YWHAZ: variants seen among roughly 807,000 people sequenced by gnomAD.
The protein encoded by YWHAZ is tyrosine 3-monooxygenase/tryptophan 5-monooxygenase activation protein zeta.
For synonymous variants in YWHAZ, 87 were observed against 103.6 expected (o/e 0.84, Z 0.97); for missense variants, 79 against 284.8 (o/e 0.28, Z 5.20).
Position 100,919,704 on chromosome 8 carries a change from T to C in YWHAZ, c.*989A>G, listed in dbSNP as rs1170747242. Reference sequence around the variant, plus strand: ...GTAGAGAAAGTAGTTGAAAAGTCCATTCATAAAACTTTTATTCCACTTACA... The same window carrying C: ...GTAGAGAAAGTAGTTGAAAAGTCCACTCATAAAACTTTTATTCCACTTACA... On this transcript the variant is annotated 3_prime_UTR_variant, in exon 6 of 6. Transcript: ENST00000395958. The C allele has an allele frequency of 6.6e-6, 1 of 152,434 alleles. No individual in the cohort carries two copies. The highest frequency in any genetic ancestry group is 1.5e-5 in the Non-Finnish European group (1 of 68,030). The allele number at this position is 152,434 out of a possible 1,614,324, so 9.4% of individuals were successfully genotyped here.
rs894728103 is a variant in YWHAZ at position 100,950,268 on chromosome 8, T to C, written c.-11-1368A>G. Reference sequence around the variant, plus strand: ...TTTCTGCTTCTAACAAAAAATGATTTAAGCCAGTACAAAGGATTCTCTCCC... The same window carrying C: ...TTTCTGCTTCTAACAAAAAATGATTCAAGCCAGTACAAAGGATTCTCTCCC... On this transcript the variant is annotated intron_variant, in intron 1 of 5. Coordinates refer to ENST00000395958, the MANE Select transcript of YWHAZ (RefSeq NM_145690.3). 7.3e-6 allele frequency: 5 copies of C among 685,146 alleles called. No individual in the cohort carries two copies. In the African/African-American group the frequency reaches 9.8e-5, roughly 13 times the overall value. The allele number at this position is 685,146 out of a possible 1,614,324, so 42.4% of individuals were successfully genotyped here. A position where few individuals can be genotyped will look rare whatever the true frequency, so the allele number is the denominator to read the frequency against.
Position 100,922,384 on chromosome 8 carries a change from CT to C in YWHAZ, c.678+1570del, listed in dbSNP as rs895294881. 4 of 87,872 alleles carry C rather than the reference CT, an allele frequency of 4.6e-5. No homozygotes were observed. The highest frequency in any genetic ancestry group is 1.8e-4 in the Admixed American group (1 of 5,660). The allele number at this position is 87,872 out of a possible 1,614,324, so 5.4% of individuals were successfully genotyped here. On this transcript the variant is annotated intron_variant, in intron 5 of 5. Transcript: ENST00000395958. The surrounding 1 kb of genome is among the most constrained non-coding windows in gnomAD (Gnocchi z 4.1). ...ATTAGAATCAAAACCCTGGTTTTTT[CT>C]TTTCTTTTTTTTTTTTTTTGAGACA...
At chr8:100,951,330 G>GCCGCGCC in intron 1 of YWHAZ, 1 of 984,416 alleles carries the variant, frequency 1.0e-6, no homozygotes, top group African/African-American at 1.8e-5. Flanking sequence ...GCCCCTCCCC[G>GCCGCGCC]CCGCGCCACC....
intron 2 of YWHAZ, among the ~76,000 whole-genome samples, chr8:100,943,324 T>C (rs2130311460): frequency 6.6e-6 from 1 of 152,328 alleles, no homozygotes; most frequent in East Asian, 1.9e-4. Flanking sequence ...CTACAAAAAA[T>C]TCTAAGAAAC....
intron 2 of YWHAZ, among the ~76,000 whole-genome samples, chr8:100,927,786 G>C (rs1813466449): frequency 6.6e-6 from 1 of 152,160 alleles, no homozygotes; most frequent in Non-Finnish European, 1.5e-5. Context: ...AGTTCCCTGG[G>C]AATTAAAATG....
intron 2 of YWHAZ, among the ~76,000 whole-genome samples, chr8:100,943,669 A>G (rs1322771582): frequency 1.3e-5 from 2 of 152,112 alleles, no homozygotes; most frequent in South Asian, 4.1e-4. Context: ...CTTTACATTA[A>G]AAAAAACTGA....
In YWHAZ at chr8:100,924,415, ATT is replaced by A. The variant is rs2130117636; in HGVS notation, c.419-119_419-118del. On this transcript the variant is annotated intron_variant, in intron 3 of 5. Transcript: ENST00000395958. This position sits in a 1 kb window ranked among gnomAD's most constrained non-coding sequence, Gnocchi z 5.7. ...AAATACTAACCTGTAACAGCTTAAT[ATT>A]TGTTAATTGAACAAGGTCCTTTTTT... is the stretch of plus-strand genomic sequence containing the variant. The A allele has an allele frequency of 9.5e-7, 1 of 1,051,756 alleles. No individual in the cohort carries two copies. The highest frequency in any genetic ancestry group is 1.6e-5 in the African/African-American group (1 of 62,168). 65.2% of individuals were successfully genotyped at this position (1,051,756 alleles called of 1,614,324 possible). A position where few individuals can be genotyped will look rare whatever the true frequency, so the allele number is the denominator to read the frequency against.
intron 2 of YWHAZ, among the ~76,000 whole-genome samples, chr8:100,933,697 T>A (rs1442378612): frequency 6.6e-6 from 1 of 152,118 alleles, no homozygotes; most frequent in African/African-American, 2.4e-5. Context: ...AAGGGAAATA[T>A]CCTAATTTCT....
rs768748687 is a variant in YWHAZ at position 100,924,900 on chromosome 8, T to C, written c.418+16A>G. On this transcript the variant is annotated intron_variant, in intron 3 of 5. Transcript: ENST00000395958. This position sits in a 1 kb window ranked among gnomAD's most constrained non-coding sequence, Gnocchi z 5.7. Reference sequence around the variant, plus strand: ...ATCTTATACAAGTTCAACCAACAGGTTTAAAAACAGCATACCTTTCTTGTC... The same window carrying C: ...ATCTTATACAAGTTCAACCAACAGGCTTAAAAACAGCATACCTTTCTTGTC... 2 of 1,611,388 alleles carry C rather than the reference T, an allele frequency of 1.2e-6. No individual in the cohort carries two copies. The highest frequency in any genetic ancestry group is 1.7e-5 in the Admixed American group (1 of 59,838).
At chr8:100,935,256 C>T (rs1814063539) in intron 2 of YWHAZ, among the ~76,000 whole-genome samples, 1 of 152,174 alleles carries the variant, frequency 6.6e-6, no homozygotes, top group Non-Finnish European at 1.5e-5. Context: ...TTTAAGCACT[C>T]AAAAATATTA....
upstream of YWHAZ, chr8:100,953,374 C>T (rs1810932734): frequency 3.0e-6 from 3 of 985,190 alleles, no homozygotes; most frequent in Non-Finnish European, 3.6e-6. Flanking sequence ...GACGGGAGCC[C>T]GGAAGAAGGG....
intron 2 of YWHAZ, among the ~76,000 whole-genome samples, chr8:100,939,051 C>G (rs1424000884): frequency 6.6e-6 from 1 of 152,206 alleles, no homozygotes; most frequent in Admixed American, 6.5e-5. Context: ...TTTTAATCAA[C>G]AAGAAATCTG....
intron 1 of YWHAZ, chr8:100,951,258 C>A: frequency 2.0e-6 from 2 of 984,882 alleles, no homozygotes; most frequent in Non-Finnish European, 1.2e-6. Context: ...CCGCGCCAGG[C>A]CTGGGCTCCG....
At chr8:100,951,137 C>T (rs1390043965) in intron 1 of YWHAZ, 2 of 984,100 alleles carry the variant, frequency 2.0e-6, no homozygotes, top group Non-Finnish European at 2.4e-6. Flanking sequence ...CCGCGGAGCC[C>T]AGGAAATTCA....
At chr8:100,928,004 G>A (rs973326214) in intron 2 of YWHAZ, among the ~76,000 whole-genome samples, 6 of 152,252 alleles carry the variant, frequency 3.9e-5, no homozygotes, top group Non-Finnish European at 8.8e-5. Context: ...AGGTGGCTGG[G>A]CATGGTGGCT....
At chr8:100,941,562 A>T (rs1467728780) in intron 2 of YWHAZ, among the ~76,000 whole-genome samples, 1 of 152,172 alleles carries the variant, frequency 6.6e-6, no homozygotes, top group Non-Finnish European at 1.5e-5. Flanking sequence ...GGGTGGGTGG[A>T]TCACCTGAGG....
intron 1 of YWHAZ, chr8:100,951,525 G>A: frequency 1.0e-6 from 1 of 985,626 alleles, no homozygotes; most frequent in Non-Finnish European, 1.2e-6. Context: ...GAAGGGCGGC[G>A]AGGGAGGGGG....
intron 1 of YWHAZ, chr8:100,951,035 C>A: frequency 2.1e-6 from 1 of 465,234 alleles, no homozygotes; most frequent in Non-Finnish European, 2.8e-6. Context: ...ACTTGCAGCC[C>A]CCGTCCACAC....
intron 2 of YWHAZ, among the ~76,000 whole-genome samples, chr8:100,947,625 C>T (rs1435282454): frequency 6.6e-6 from 1 of 152,088 alleles, no homozygotes; most frequent in Non-Finnish European, 1.5e-5. Context: ...AACCCCAAAC[C>T]CACAACCACA....
Sources: gnomAD v4.1 joint callset for allele counts (sites outside exome capture counted in the v4.1 genomes callset) on GRCh38, gnomAD v4.1.1 for gene constraint, Gnocchi (gnomAD v3.1) non-coding constraint, MANE v1.5 for transcripts, NCBI Gene and HGNC (gene_info 2026-07-23, HGNC 2026-07-21) for gene names.